Variants in ATP2B2 observed in about 807,000 individuals in gnomAD.
ATP2B2 encodes ATPase plasma membrane Ca2+ transporting 2.
ATP2B2 carries 15 observed loss-of-function variants against 120.0 expected under a neutral mutation model. That is an observed-to-expected ratio of 0.12 (90% CI 0.08 to 0.19). ATP2B2 has a LOEUF of 0.19. Among genes scored for constraint, ATP2B2 ranks in the 10% least tolerant of loss-of-function variants. ATP2B2 has a pLI of 1.00. For synonymous variants in ATP2B2, 694 were observed against 700.3 expected (o/e 0.99, Z 0.14); for missense variants, 1,045 against 1,719.8 (o/e 0.61, Z 6.94).
intron 1 of ATP2B2, among the ~76,000 whole-genome samples, chr3:10,680,579 T>C (rs2071359639): frequency 6.6e-6 from 1 of 152,192 alleles, no homozygotes; most frequent in African/African-American, 2.4e-5. Flanking sequence ...AGTGAATCCA[T>C]ACTCAGCACA....
chr3:10,526,289 A>G (rs1326072743), intron 3 of ATP2B2, among the ~76,000 whole-genome samples: 2 of 152,180 alleles, frequency 1.3e-5, no homozygotes, highest in Non-Finnish European at 2.9e-5. Flanking sequence ...CGGCCAACAG[A>G]AGCAGAAGAC....
chr3:10,621,240 G>C (rs2069539089), intron 1 of ATP2B2, among the ~76,000 whole-genome samples: 1 of 152,030 alleles, frequency 6.6e-6, no homozygotes, highest in Non-Finnish European at 1.5e-5. Flanking sequence ...CCACTGTTGA[G>C]CCAGCCTGTC....
intron 1 of ATP2B2, among the ~76,000 whole-genome samples, chr3:10,693,625 T>G (rs1229660882): frequency 2.0e-5 from 3 of 152,262 alleles, no homozygotes; most frequent in Admixed American, 2.0e-4. Context: ...GTTCCAGAGA[T>G]AGAACCATTC....
intron 2 of ATP2B2, among the ~76,000 whole-genome samples, chr3:10,611,478 C>T (rs570284888): frequency 1.8e-4 from 28 of 152,298 alleles, no homozygotes; most frequent in South Asian, 4.1e-4. Context: ...TCCTGTCCAC[C>T]GACATCTGCA....
chr3:10,657,963 T>C (rs2342150), intron 1 of ATP2B2, among the ~76,000 whole-genome samples: 123,751 of 152,256 alleles, frequency 0.81, 50,902 homozygotes, highest in African/African-American at 0.95. Flanking sequence ...CTGCAGCCTC[T>C]GCTGGTGATA....
At chr3:10,499,930 T>TC (rs1409694462) in intron 1 of ATP2B2, among the ~76,000 whole-genome samples, 16 of 147,572 alleles carry the variant, frequency 1.1e-4, no homozygotes, top group Non-Finnish European at 1.9e-4. Flanking sequence ...TTGGGCACAT[T>TC]CTTTTTTTTT....
At chr3:10,492,905 G>A (rs1265541319) in intron 1 of ATP2B2, among the ~76,000 whole-genome samples, 2 of 152,168 alleles carry the variant, frequency 1.3e-5, no homozygotes, top group Non-Finnish European at 2.9e-5. Context: ...GCTTTCAAAG[G>A]ACATTTTCTA....
chr3:10,433,226 G>A lies in ATP2B2; in HGVS notation c.199+16119C>T, dbSNP rs151085237. ...CTGCATTCTACAGTTTGCCTCTGTA[G>A]GAATTTTTTTTTTCTGCAATGGGGC... On this transcript the variant is annotated intron_variant, in intron 2 of 22. Coordinates refer to ENST00000360273, the MANE Select transcript of ATP2B2 (RefSeq NM_001001331.4). 1.7e-3 allele frequency among the ~76,000 whole-genome samples: 262 copies of A among 152,322 alleles called. 6 individuals carry two copies. In the South Asian group the frequency reaches 0.04, roughly 23 times the overall value.
chr3:10,509,879 G>A (rs777704431), upstream of ATP2B2, among the ~76,000 whole-genome samples: 1 of 152,194 alleles, frequency 6.6e-6, no homozygotes, highest in Non-Finnish European at 1.5e-5. Context: ...GTGACCTTGG[G>A]CAAGTGACTC....
chr3:10,620,839 T>A (rs2069525475), intron 1 of ATP2B2, among the ~76,000 whole-genome samples: 1 of 152,096 alleles, frequency 6.6e-6, no homozygotes, highest in East Asian at 1.9e-4. Context: ...ACCAGCCACC[T>A]CCCTGGACAC....
At chr3:10,409,835 T>C (rs563669619) in intron 3 of ATP2B2, among the ~76,000 whole-genome samples, 3 of 152,340 alleles carry the variant, frequency 2.0e-5, no homozygotes, top group African/African-American at 7.2e-5. Context: ...GGGTTATCTA[T>C]TTATGCAGCA....
chr3:10,649,520 G>A (rs568034950), intron 1 of ATP2B2, among the ~76,000 whole-genome samples: 1 of 152,328 alleles, frequency 6.6e-6, no homozygotes, highest in Admixed American at 6.5e-5. Context: ...TGCATATGCT[G>A]TTCCCTCAGA....
intron 4 of ATP2B2, among the ~76,000 whole-genome samples, 191 bp from the exon 5 acceptor site, chr3:10,401,269 C>T (rs1479304276): frequency 6.6e-6 from 1 of 152,198 alleles, no homozygotes; most frequent in Non-Finnish European, 1.5e-5. Context: ...CTAAGGTACA[C>T]AGCACAAGGC....
chr3:10,656,118 A>T (rs748679885), intron 1 of ATP2B2, among the ~76,000 whole-genome samples: 4 of 152,214 alleles, frequency 2.6e-5, no homozygotes, highest in East Asian at 3.9e-4. Flanking sequence ...GGCAGTGGGG[A>T]TGGCTGGGAG....
chr3:10,655,521 T>C (rs1220512922), intron 1 of ATP2B2, among the ~76,000 whole-genome samples: 1 of 125,652 alleles, frequency 8.0e-6, no homozygotes, highest in Non-Finnish European at 1.6e-5. Context: ...ACTCAAAGTA[T>C]GGTCCCTGGA....
chr3:10,646,101 G>C (rs934431844), intron 1 of ATP2B2, among the ~76,000 whole-genome samples: 16 of 152,296 alleles, frequency 1.1e-4, no homozygotes, highest in African/African-American at 3.9e-4. Flanking sequence ...CACTCCTTCT[G>C]CCTATCTGGA....
chr3:10,614,160 G>T lies in ATP2B2; in HGVS notation c.-415+5757C>A, dbSNP rs147567536. ...ATATGCATTTGTTTATTTGATTATT[G>T]TCCATCTCCCTTAGGAGAATGTCAG... is the stretch of plus-strand genomic sequence containing the variant. On this transcript the variant is annotated intron_variant, in intron 2 of 21. Coordinates refer to the ATP2B2 transcript ENST00000646379. 1.3e-3 allele frequency among the ~76,000 whole-genome samples: 199 copies of T among 151,856 alleles called. 1 individual carries two copies. Among genetic ancestry groups the T allele is most frequent in the African/African-American group, 4.5e-3 (186 of 41,382 alleles).
At chr3:10,394,397 T>A in intron 5 of ATP2B2, 2 of 468,674 alleles carry the variant, frequency 4.3e-6, no homozygotes, top group South Asian at 3.1e-5. Context: ...GCAAGTTCAA[T>A]CCCCAGCCCC....
At chr3:10,388,543 C>CTG in intron 5 of ATP2B2, 141 bp from the exon 6 acceptor site, 2 of 1,280,268 alleles carry the variant, frequency 1.6e-6, no homozygotes, top group Non-Finnish European at 2.2e-6. Context: ...AAGATTCACA[C>CTG]TGTGTGTGTG....
Sources: gnomAD v4.1 joint callset for allele counts (sites outside exome capture counted in the v4.1 genomes callset) on GRCh38, gnomAD v4.1.1 for gene constraint, MANE v1.5 for transcripts, NCBI Gene and HGNC (gene_info 2026-07-23, HGNC 2026-07-21) for gene names.